Variants in OSBP2 observed in about 807,000 individuals in gnomAD.
The protein encoded by OSBP2 is oxysterol binding protein 2, also known as oxysterol-binding protein 2.
Under a neutral mutation model 96.0 loss-of-function variants are expected in OSBP2, and 66 were observed. The observed-to-expected ratio is 0.69, with a 90% CI of 0.56 to 0.84. The LOEUF is 0.84. Ranked by LOEUF, OSBP2 falls within the 40% of genes least tolerant of loss-of-function variation. The probability of loss-of-function intolerance (pLI) is 0.00; values close to 1 mark genes in which losing one functional copy is unlikely to be tolerated. For synonymous variants in OSBP2, 525 were observed against 520.9 expected, an observed-to-expected ratio of 1.01 and a Z score of -0.11; for missense variants, 1,038 against 1,222.7, an observed-to-expected ratio of 0.85 and a Z score of 2.25.
intron 1 of OSBP2, among the ~76,000 whole-genome samples, chr22:30,725,865 T>C (rs1489600135): frequency 1.3e-5 from 2 of 150,906 alleles, no homozygotes; most frequent in Non-Finnish European, 2.9e-5. Context: ...TTTAGCTCAC[T>C]GCCTCCCAGG....
intron 3 of OSBP2, among the ~76,000 whole-genome samples, chr22:30,884,794 G>A (rs775780677): frequency 2.8e-4 from 43 of 152,272 alleles, no homozygotes; most frequent in Non-Finnish European, 4.7e-4. Flanking sequence ...CCCCCGTCTC[G>A]CTCCCACTGC....
At position 30,870,202 on chromosome 22, in the gene OSBP2, A is replaced by G. The variant is rs939568315; in HGVS notation, c.854-227A>G. On this transcript the variant is annotated intron_variant, in intron 2 of 13. Coordinates refer to ENST00000332585, the MANE Select transcript of OSBP2 (RefSeq NM_030758.4). This position sits in a 1 kb window ranked among gnomAD's most constrained non-coding sequence, Gnocchi z 4.1. ...GCCATTCAATCTGGGCTCTCTTTACAGTCCTTCCCACTGACTCAGGTGGGC... is the reference window on the plus strand; with the variant it reads ...GCCATTCAATCTGGGCTCTCTTTACGGTCCTTCCCACTGACTCAGGTGGGC... 3.3e-5 allele frequency among the ~76,000 whole-genome samples: 5 copies of G among 152,096 alleles called. No homozygotes were observed. The highest frequency in any genetic ancestry group is 1.2e-4 in the African/African-American group (5 of 41,406).
chr22:30,853,568 A>G (rs1361005617), intron 2 of OSBP2, among the ~76,000 whole-genome samples: 1 of 152,076 alleles, frequency 6.6e-6, no homozygotes, highest in Non-Finnish European at 1.5e-5. Context: ...ACATATAATG[A>G]ATCTTCCTTT....
chr22:30,704,699 C>T (rs1205181491), intron 1 of OSBP2, among the ~76,000 whole-genome samples: 1 of 152,098 alleles, frequency 6.6e-6, no homozygotes, highest in Non-Finnish European at 1.5e-5. Flanking sequence ...CTCCTGACCT[C>T]AGGTGATCTC....
intron 2 of OSBP2, among the ~76,000 whole-genome samples, chr22:30,805,973 A>G (rs547182095): frequency 9.2e-5 from 14 of 152,204 alleles, no homozygotes; most frequent in Non-Finnish European, 1.9e-4. Flanking sequence ...TCTTTCTGAT[A>G]CTGGGTTTCC....
chr22:30,779,618 T>TA (rs1414117997), intron 2 of OSBP2, among the ~76,000 whole-genome samples: 1 of 152,148 alleles, frequency 6.6e-6, no homozygotes, highest in Non-Finnish European at 1.5e-5. Context: ...CCTTCCTGGA[T>TA]ACACTTGCAG....
At position 30,871,844 on chromosome 22, in the gene OSBP2, CT is replaced by C. The variant is rs1387636951; in HGVS notation, c.1107+1163del. Among the ~76,000 whole-genome samples, 1 of 152,274 alleles carries C rather than the reference CT, an allele frequency of 6.6e-6. No homozygotes were observed. The highest frequency in any genetic ancestry group is 2.4e-5 in the African/African-American group (1 of 41,484). ...CCTGCCCCAAGCCGGCTTCACTGGC[CT>C]GTTGGCAGCATGATTGTGGGGCAGG... On this transcript the variant is annotated intron_variant, in intron 3 of 13. Coordinates refer to ENST00000332585, the MANE Select transcript of OSBP2 (RefSeq NM_030758.4). The surrounding 1 kb of genome is among the most constrained non-coding windows in gnomAD (Gnocchi z 4.7).
intron 1 of OSBP2, among the ~76,000 whole-genome samples, chr22:30,711,346 A>G (rs953824551): frequency 3.3e-5 from 5 of 151,932 alleles, no homozygotes; most frequent in African/African-American, 7.3e-5. Flanking sequence ...TATATATATA[A>G]ATACATTTAT....
intron 2 of OSBP2, among the ~76,000 whole-genome samples, chr22:30,805,999 C>T (rs1384598085): frequency 1.3e-5 from 2 of 152,232 alleles, no homozygotes; most frequent in Non-Finnish European, 2.9e-5. Context: ...CGATATGTGT[C>T]TCTTCCTTCT....
intron 2 of OSBP2, chr22:30,822,508 G>GGACCCACGAATGTCCGCCGCCTC (rs2038296794): frequency 2.2e-6 from 3 of 1,348,416 alleles, no homozygotes; most frequent in Non-Finnish European, 2.9e-6. Flanking sequence ...CGCGGCGCCG[G>GGACCCACGAATGTCCGCCGCCTC]GACCCACGAG....
chr22:30,725,449 T>G (rs2089629964), intron 1 of OSBP2, among the ~76,000 whole-genome samples: 1 of 151,692 alleles, frequency 6.6e-6, no homozygotes, highest in Non-Finnish European at 1.5e-5. Context: ...AGGCAGAGGT[T>G]GTAGTGAGCT....
chr22:30,698,862 G>A (rs1324000030), intron 1 of OSBP2, among the ~76,000 whole-genome samples: 1 of 152,040 alleles, frequency 6.6e-6, no homozygotes, highest in Non-Finnish European at 1.5e-5. Flanking sequence ...TCCTAATCCT[G>A]GTCGCCATGC....
intron 2 of OSBP2, among the ~76,000 whole-genome samples, chr22:30,778,245 C>T (rs1395897236): frequency 6.9e-6 from 1 of 144,402 alleles, no homozygotes; most frequent in East Asian, 2.1e-4. Context: ...AAAAACAATG[C>T]CATGATCCTA....
Position 30,906,966 on chromosome 22 carries a change from AGG to A in OSBP2, c.*631_*632del, listed in dbSNP as rs1334077805. 1 of 152,610 alleles carries A rather than the reference AGG, an allele frequency of 6.6e-6. No individual in the cohort carries two copies. Among genetic ancestry groups the A allele is most frequent in the East Asian group, 1.9e-4 (1 of 5,198 alleles). 9.5% of individuals were successfully genotyped at this position (152,610 alleles called of 1,614,324 possible). A position where few individuals can be genotyped will look rare whatever the true frequency, so the allele number is the denominator to read the frequency against. ...AAGGCCCCACAGAGCCCAAAACAGA[AGG>A]GGGCTGCCCCAGCCCAGCAGAGCAC... On this transcript the variant is annotated 3_prime_UTR_variant, in exon 14 of 14. Coordinates refer to ENST00000332585, the MANE Select transcript of OSBP2 (RefSeq NM_030758.4).
At chr22:30,749,316 T>C (rs2090044467) in intron 2 of OSBP2, among the ~76,000 whole-genome samples, 1 of 152,196 alleles carries the variant, frequency 6.6e-6, no homozygotes, top group African/African-American at 2.4e-5. Context: ...CTGGGACATT[T>C]CCATAAGTTC....
rs1454789602 is a variant in OSBP2 at position 30,822,756 on chromosome 22, C to G, written c.854-47673C>G. ...ACCCGGAGGGAGGCCAGGCTCCCCG[C>G]GCATGCACGCCCGGTGCCTGGCTTT... On this transcript the variant is annotated intron_variant, in intron 2 of 13. Coordinates refer to ENST00000332585, the MANE Select transcript of OSBP2 (RefSeq NM_030758.4). The G allele has an allele frequency of 2.8e-6, 4 of 1,452,044 alleles. No homozygotes were observed. In the East Asian group the frequency reaches 7.8e-5, roughly 28 times the overall value. The allele number at this position is 1,452,044 out of a possible 1,614,324, so 89.9% of individuals were successfully genotyped here.
At chr22:30,729,740 T>C (rs1252571226) in intron 1 of OSBP2, among the ~76,000 whole-genome samples, 2 of 152,062 alleles carry the variant, frequency 1.3e-5, no homozygotes, top group East Asian at 3.9e-4. Context: ...TCATGGTGGC[T>C]AATGCCTGTA....
intron 2 of OSBP2, among the ~76,000 whole-genome samples, chr22:30,836,489 C>A (rs1294955780): frequency 6.6e-6 from 1 of 152,200 alleles, no homozygotes; most frequent in Non-Finnish European, 1.5e-5. Flanking sequence ...CAGTTGAAGA[C>A]CTTTCCTCCT....
intron 2 of OSBP2, among the ~76,000 whole-genome samples, chr22:30,800,603 C>G (rs1434656772): frequency 6.6e-6 from 1 of 152,020 alleles, no homozygotes. Context: ...AGTCACAGTC[C>G]GCCTGCCAGA....
Sources: allele counts gnomAD v4.1 joint callset (sites outside exome capture counted in the v4.1 genomes callset), GRCh38; gene constraint gnomAD v4.1.1; non-coding constraint Gnocchi (gnomAD v3.1); transcripts MANE v1.5; gene names NCBI Gene and HGNC (gene_info 2026-07-23, HGNC 2026-07-21).